The following SCN11A variants were observed in gnomAD, a reference collection of about 807,000 sequenced individuals.
SCN11A encodes the protein sodium voltage-gated channel alpha subunit 11.
A neutral mutation model predicts 162.2 loss-of-function variants in SCN11A; 122 were observed. That is an observed-to-expected ratio of 0.75 (90% CI 0.65 to 0.87). SCN11A has a LOEUF of 0.87. SCN11A is among the 40% of genes least tolerant of loss of function. SCN11A has a pLI of 0.00. For missense variants in SCN11A, 2,015 were observed against 2,181.6 expected, an observed-to-expected ratio of 0.92 and a Z score of 1.52; for synonymous variants, 758 against 751.5, an observed-to-expected ratio of 1.01 and a Z score of -0.14.
At chr3:38,900,126 T>C in intron 16 of SCN11A, 53 bp from the exon 17 acceptor site, 1 of 1,428,468 alleles carries the variant, frequency 7.0e-7, no homozygotes, top group Non-Finnish European at 9.8e-7. Flanking sequence ...ATAACACTTT[T>C]AAGAATGGCC....
chr3:38,925,775 T>C (rs561092298), intron 8 of SCN11A, among the ~76,000 whole-genome samples: 91 of 152,386 alleles, frequency 6.0e-4, no homozygotes, highest in African/African-American at 2.1e-3. Context: ...TAGTTGTGGC[T>C]ACATCCATGA....
intron 1 of SCN11A, among the ~76,000 whole-genome samples, chr3:39,039,687 G>T (rs1363354686): frequency 6.6e-6 from 1 of 152,180 alleles, no homozygotes; most frequent in African/African-American, 2.4e-5. Context: ...TGCCTGGCCA[G>T]CCACCTGGTA....
At position 38,950,081 on chromosome 3, in the gene SCN11A, C is replaced by CCCCCCCCCCCCCA; in HGVS notation, c.267+14_267+15insTGGGGGGGGGGGG. 9.3e-6 allele frequency: 2 copies of CCCCCCCCCCCCCA among 214,666 alleles called. 1 individual carries two copies. Among genetic ancestry groups the CCCCCCCCCCCCCA allele is most frequent in the South Asian group, 1.3e-4 (2 of 14,896 alleles). The allele number at this position is 214,666 out of a possible 1,614,324, so 13.3% of individuals were successfully genotyped here. A position where few individuals can be genotyped will look rare whatever the true frequency, so the allele number is the denominator to read the frequency against. On this transcript the variant is annotated intron_variant, in intron 5 of 29. Transcript: ENST00000302328. ...CACCCCCACCCCCACCCCCCCCCCCCGCCCAATGAAGTACCTTATGATTTC... is the reference window on the plus strand; with the variant it reads ...CACCCCCACCCCCACCCCCCCCCCCCCCCCCCCCCCCCAGCCCAATGAAGTACCTTATGATTTC...
At chr3:38,950,961 C>G (rs570479002) in intron 4 of SCN11A, among the ~76,000 whole-genome samples, 2 of 152,382 alleles carry the variant, frequency 1.3e-5, no homozygotes, top group South Asian at 4.1e-4. Flanking sequence ...GACTTCGACC[C>G]TAAGAAAGTG....
chr3:39,013,546 G>A (rs2125603730), intron 2 of SCN11A, among the ~76,000 whole-genome samples: 1 of 152,274 alleles, frequency 6.6e-6, no homozygotes, highest in East Asian at 1.9e-4. Flanking sequence ...GAAGCCCCAG[G>A]AAGTCACAGG....
Position 38,845,780 on chromosome 3 carries a change from A to T in SCN11A, c.*914T>A, listed in dbSNP as rs1469980572. 2 of 140,422 alleles carry T rather than the reference A, an allele frequency of 1.4e-5. No individual in the cohort carries two copies. The highest frequency in any genetic ancestry group is 3.1e-5 in the Non-Finnish European group (2 of 65,430). 8.7% of individuals were successfully genotyped at this position (140,422 alleles called of 1,614,324 possible). ...TGTACTACCTGAAAGGAACACAAAC[A>T]GAAAGCTTTATTGAATTTATATATA... On this transcript the variant is annotated 3_prime_UTR_variant, in exon 30 of 30. Coordinates refer to ENST00000302328, the MANE Select transcript of SCN11A (RefSeq NM_001349253.2).
intron 2 of SCN11A, among the ~76,000 whole-genome samples, chr3:38,980,262 A>G (rs2029978807): frequency 6.6e-6 from 1 of 152,246 alleles, no homozygotes. Flanking sequence ...CTCACATTGA[A>G]AGAATAGAAT....
chr3:38,995,867 A>G (rs1453524962), intron 2 of SCN11A, among the ~76,000 whole-genome samples: 1 of 146,384 alleles, frequency 6.8e-6, no homozygotes, highest in East Asian at 2.1e-4. Flanking sequence ...TCTCTGAAGA[A>G]CCCTGACCAA....
chr3:38,993,405 C>G (rs1464476287), intron 2 of SCN11A, among the ~76,000 whole-genome samples: 1 of 152,202 alleles, frequency 6.6e-6, no homozygotes, highest in Admixed American at 6.5e-5. Context: ...CAGGTTATGT[C>G]GTATAGCAGA....
chr3:38,908,025 C>T lies in SCN11A; in HGVS notation c.1397G>A (p.Arg466Lys). The change falls in exon 14 of 30, where the codon AGG becomes AAG. Residue 466 changes from arginine (R) to lysine (K), a missense_variant. By Grantham distance (26) the Arg-to-Lys change is conservative (BLOSUM62 2). Coordinates refer to ENST00000302328, the MANE Select transcript of SCN11A (RefSeq NM_001349253.2). ...AGACTCTCTCAAAAAGAAGGACTTC[C>T]TTTTCTTATTACCAAAGAGCTTTCT... ...KKRKLFGNKK[R>K]KSFFLRESGK... The T allele has an allele frequency of 1.9e-6, 3 of 1,613,568 alleles. No individual in the cohort carries two copies. Among genetic ancestry groups the T allele is most frequent in the Non-Finnish European group, 2.5e-6 (3 of 1,179,792 alleles).
At chr3:38,952,247 A>G (rs897675974) in intron 4 of SCN11A, among the ~76,000 whole-genome samples, 4 of 152,216 alleles carry the variant, frequency 2.6e-5, no homozygotes, top group Non-Finnish European at 4.4e-5. Context: ...GGGTTTGTTA[A>G]TAGGGTTACT....
chr3:38,967,085 C>G (rs754115837), intron 2 of SCN11A, among the ~76,000 whole-genome samples: 40 of 152,134 alleles, frequency 2.6e-4, no homozygotes, highest in Non-Finnish European at 4.9e-4. Flanking sequence ...GTCTGAGGAA[C>G]CACATAGAAT....
rs1218412612 is a variant in SCN11A, at chr3:38,896,841, A to G, written c.2403+4T>C. The G allele has an allele frequency of 6.7e-7, 1 of 1,502,198 alleles. No individual in the cohort carries two copies. Among genetic ancestry groups the G allele is most frequent in the Admixed American group, 2.2e-5 (1 of 44,832 alleles). The allele number at this position is 1,502,198 out of a possible 1,614,324, so 93.1% of individuals were successfully genotyped here. A position where few individuals can be genotyped will look rare whatever the true frequency, so the allele number is the denominator to read the frequency against. On this transcript the variant is annotated splice_donor_region_variant and intron_variant, in intron 18 of 29. Transcript: ENST00000302328. ...TTTTTTTGAAAAAAATCTAAGACACATACCACAAGTTTTCCTATCACCGTG... is the reference window on the plus strand; with the variant it reads ...TTTTTTTGAAAAAAATCTAAGACACGTACCACAAGTTTTCCTATCACCGTG...
At chr3:39,029,599 T>C (rs1454077282) in intron 2 of SCN11A, among the ~76,000 whole-genome samples, 1 of 152,242 alleles carries the variant, frequency 6.6e-6, no homozygotes, top group Non-Finnish European at 1.5e-5. Flanking sequence ...ATTTAGAATG[T>C]AGCTACATTT....
At chr3:39,000,009 C>T (rs1041453392) in intron 2 of SCN11A, among the ~76,000 whole-genome samples, 1 of 152,312 alleles carries the variant, frequency 6.6e-6, no homozygotes, top group African/African-American at 2.4e-5. Flanking sequence ...CCAATACCCC[C>T]TCAGGCTTGG....
chr3:38,918,303 G>A (rs545630319), intron 11 of SCN11A, among the ~76,000 whole-genome samples: 1 of 152,280 alleles, frequency 6.6e-6, no homozygotes, highest in East Asian at 1.9e-4. Flanking sequence ...GGGCCCCAGA[G>A]CAGTACTGGT....
In SCN11A at chr3:39,026,065, C is replaced by T. The variant is rs80058039; in HGVS notation, c.-280+6315G>A. On this transcript the variant is annotated intron_variant, in intron 2 of 29. Transcript: ENST00000302328. ...ACATGACCCCTGCACAAGAATAACA[C>T]GCAAATTCATGAAGTGTTCCATATT... The T allele has an allele frequency of 2.3e-3, 353 of 152,112 alleles. 2 individuals are homozygous for T. Among genetic ancestry groups the T allele is most frequent in the African/African-American group, 8.2e-3 (340 of 41,480 alleles). The allele number at this position is 152,112 out of a possible 1,614,324, so 9.4% of individuals were successfully genotyped here.
Position 38,903,999 on chromosome 3 carries a change from G to C in SCN11A, c.1708C>G (p.Leu570Val). The C allele has an allele frequency of 6.2e-7, 1 of 1,613,734 alleles. No homozygotes were observed. Among genetic ancestry groups the C allele is most frequent in the Non-Finnish European group, 8.5e-7 (1 of 1,179,866 alleles). ...AACGGGTCAGTCATCACAGTTCTCA[G>C]GACCTTCTTAACGCACAGCCACTGG... is the stretch of plus-strand genomic sequence containing the variant. Reference protein sequence around the residue: ...CPQWLCVKKVLRTVMTDPFTE... With the variant: ...CPQWLCVKKVVRTVMTDPFTE... Residue 570 changes from leucine (L) to valine (V), a missense_variant, in exon 16 of 30, where the codon CTG becomes GTG. Coordinates refer to ENST00000302328, the MANE Select transcript of SCN11A (RefSeq NM_001349253.2).
intron 2 of SCN11A, among the ~76,000 whole-genome samples, chr3:38,982,111 A>G (rs947226871): frequency 1.3e-5 from 2 of 152,202 alleles, no homozygotes; most frequent in African/African-American, 2.4e-5. Context: ...CAGGTGTTCC[A>G]GTGAGCCGAA....
Sources: gnomAD v4.1 joint callset for allele counts (sites outside exome capture counted in the v4.1 genomes callset) on GRCh38, gnomAD v4.1.1 for gene constraint, MANE v1.5 for transcripts, NCBI Gene and HGNC (gene_info 2026-07-23, HGNC 2026-07-21) for gene names.